Variants in PRKD1 observed in about 807,000 individuals in gnomAD.
The protein encoded by PRKD1 is serine/threonine-protein kinase D1.
PRKD1 carries 63 observed loss-of-function variants against 95.9 expected under a neutral mutation model. The ratio of observed to expected loss-of-function variants is 0.66; its 90% CI spans 0.54 to 0.81. PRKD1 has a LOEUF of 0.81. Ranked by LOEUF, PRKD1 falls within the 30% of genes least tolerant of loss-of-function variation. The probability of loss-of-function intolerance (pLI) is 0.00; values close to 1 mark genes in which losing one functional copy is unlikely to be tolerated. For synonymous variants in PRKD1, 425 were observed against 423.1 expected (o/e 1.00, Z -0.05); for missense variants, 1,048 against 1,165.3 (o/e 0.90, Z 1.47).
intron 1 of PRKD1, among the ~76,000 whole-genome samples, chr14:29,759,397 A>G (rs1425508730): frequency 6.6e-6 from 1 of 152,232 alleles, no homozygotes; most frequent in East Asian, 1.9e-4. Context: ...TCTTTCTATT[A>G]GTGTGAAAGT....
chr14:29,597,946 C>T (rs1398493250), intron 15 of PRKD1, among the ~76,000 whole-genome samples, 188 bp from the exon 16 acceptor site: 3 of 152,044 alleles, frequency 2.0e-5, no homozygotes, highest in Admixed American at 6.6e-5. Context: ...TGTAGTGATA[C>T]AAAAGTATGT....
At chr14:29,841,131 C>T (rs1566630704) in intron 1 of PRKD1, among the ~76,000 whole-genome samples, 1 of 152,202 alleles carries the variant, frequency 6.6e-6, no homozygotes, top group Non-Finnish European at 1.5e-5. Context: ...AATGCCTGTA[C>T]CCACATTGTA....
At chr14:29,818,654 A>C (rs1296723663) in intron 1 of PRKD1, among the ~76,000 whole-genome samples, 1 of 151,562 alleles carries the variant, frequency 6.6e-6, no homozygotes, top group Non-Finnish European at 1.5e-5. Context: ...ATGCTCCAGT[A>C]CAACTATTTT....
In PRKD1 at chr14:29,869,453, AAAAG is replaced by A. The variant is rs1893027831; in HGVS notation, c.264+57792_264+57795del. Reference sequence around the variant, plus strand: ...ACTCCATCTCAAAAAGAAAAAAAAAAAAAGAAGAAAGAAAGAAATATTTGCCTAT... The same window carrying A: ...ACTCCATCTCAAAAAGAAAAAAAAAAAAGAAAGAAAGAAATATTTGCCTAT... On this transcript the variant is annotated intron_variant, in intron 1 of 17. Transcript: ENST00000331968. 3.3e-5 allele frequency among the ~76,000 whole-genome samples: 5 copies of A among 152,012 alleles called. No homozygotes were observed. The South Asian group carries it at 1.0e-3, about 31-fold the overall frequency.
At chr14:29,754,732 C>T (rs1033373914) in intron 1 of PRKD1, among the ~76,000 whole-genome samples, 1 of 152,008 alleles carries the variant, frequency 6.6e-6, no homozygotes, top group Non-Finnish European at 1.5e-5. Flanking sequence ...TTTACTATGA[C>T]TTGGTATTAC....
chr14:29,633,121 C>T (rs76525884), intron 8 of PRKD1, among the ~76,000 whole-genome samples, 175 bp from the exon 9 acceptor site: 165 of 152,246 alleles, frequency 1.1e-3, no homozygotes, highest in African/African-American at 3.7e-3. Context: ...CTATTTAGCA[C>T]ATGTCTGATA....
At chr14:29,887,502 T>C (rs571762651) in intron 1 of PRKD1, among the ~76,000 whole-genome samples, 43 of 152,320 alleles carry the variant, frequency 2.8e-4, no homozygotes, top group African/African-American at 8.9e-4. Flanking sequence ...CACTAATCTA[T>C]AGAAGAAACA....
intron 1 of PRKD1, among the ~76,000 whole-genome samples, chr14:29,855,364 T>C (rs1892458987): frequency 6.6e-6 from 1 of 152,210 alleles, no homozygotes; most frequent in Non-Finnish European, 1.5e-5. Context: ...GAGATCATTT[T>C]GAAGCTTTAA....
chr14:29,740,457 G>A (rs746877913), intron 1 of PRKD1, among the ~76,000 whole-genome samples: 19 of 152,180 alleles, frequency 1.2e-4, no homozygotes, highest in Non-Finnish European at 2.6e-4. Context: ...TTTTCAAGGT[G>A]ACAGTGGTAG....
chr14:29,802,184 A>T (rs1890061946), intron 1 of PRKD1, among the ~76,000 whole-genome samples: 1 of 152,090 alleles, frequency 6.6e-6, no homozygotes, highest in Non-Finnish European at 1.5e-5. Flanking sequence ...AAAAAAAAAG[A>T]TGTGACTCTA....
intron 1 of PRKD1, among the ~76,000 whole-genome samples, chr14:29,826,842 C>CATATATATATATAT (rs1192535083): frequency 1.5e-4 from 3 of 19,866 alleles, no homozygotes; most frequent in Non-Finnish European, 2.7e-4. Context: ...TATATATACA[C>CATATATATATATAT]ACATATATAT....
At chr14:29,604,841 TC>T (rs1893647719) in intron 13 of PRKD1, among the ~76,000 whole-genome samples, 1 of 152,178 alleles carries the variant, frequency 6.6e-6, no homozygotes, top group Admixed American at 6.5e-5. Context: ...TCTCCTAAAT[TC>T]CACAATCTTA....
At chr14:29,602,135 T>C (rs939493863) in intron 13 of PRKD1, among the ~76,000 whole-genome samples, 1 of 152,090 alleles carries the variant, frequency 6.6e-6, no homozygotes, top group African/African-American at 2.4e-5. Flanking sequence ...GCAGAAGCAA[T>C]GAATCAGAAA....
chr14:29,795,961 T>C (rs954260918), intron 1 of PRKD1, among the ~76,000 whole-genome samples: 1 of 152,158 alleles, frequency 6.6e-6, no homozygotes, highest in African/African-American at 2.4e-5. Flanking sequence ...ATGTATCAGC[T>C]GGTCATATTA....
chr14:29,927,101 G>A (rs1266102098), intron 1 of PRKD1, 148 bp downstream of exon 1: 1 of 817,752 alleles, frequency 1.2e-6, no homozygotes, highest in African/African-American at 1.8e-5. Context: ...GCGTCCAGCC[G>A]CGGCGGGGCC....
chr14:29,578,421 T>C (rs1892639337), intron 16 of PRKD1, 61 bp from the exon 17 acceptor site: 3 of 1,286,496 alleles, frequency 2.3e-6, no homozygotes, highest in Admixed American at 3.9e-5. Flanking sequence ...AATTCATTTA[T>C]AGTTTATTTC....
chr14:29,896,076 A>G (rs1014056834), intron 1 of PRKD1, among the ~76,000 whole-genome samples: 4 of 152,224 alleles, frequency 2.6e-5, no homozygotes, highest in Non-Finnish European at 4.4e-5. Flanking sequence ...ACTTTACAAT[A>G]GGAGCGCAAT....
intron 2 of PRKD1, among the ~76,000 whole-genome samples, chr14:29,684,143 G>GTTTTTTTTT (rs11285857): frequency 2.9e-5 from 4 of 135,792 alleles, no homozygotes; most frequent in Non-Finnish European, 3.1e-5. Context: ...CTTTAGAATG[G>GTTTTTTTTT]TTTTTTTTTT....
At chr14:29,614,329 G>C (rs1288258301) in intron 13 of PRKD1, among the ~76,000 whole-genome samples, 1 of 152,086 alleles carries the variant, frequency 6.6e-6, no homozygotes, top group East Asian at 1.9e-4. Flanking sequence ...TTTATAAACA[G>C]AGGGAGAATA....
Sources: allele counts gnomAD v4.1 joint callset (sites outside exome capture counted in the v4.1 genomes callset), GRCh38; gene constraint gnomAD v4.1.1; transcripts MANE v1.5; gene names NCBI Gene and HGNC (gene_info 2026-07-23, HGNC 2026-07-21).